Variants in AHCTF1 observed in about 807,000 individuals in gnomAD.
AHCTF1 encodes protein ELYS.
In AHCTF1, 24 loss-of-function variants were observed where a neutral mutation model predicts 248.4. That is an observed-to-expected ratio of 0.10 (90% CI 0.07 to 0.14). AHCTF1 has a LOEUF of 0.14. Among genes scored for constraint, AHCTF1 ranks in the 10% least tolerant of loss-of-function variants. AHCTF1 has a pLI of 1.00. For missense variants in AHCTF1, 2,206 were observed against 2,636.2 expected (o/e 0.84, Z 3.57); for synonymous variants, 786 against 929.8 (o/e 0.85, Z 2.81).
chr1:246,911,479 CTTTTTTTTTTT>C (rs35320501), intron 4 of AHCTF1, among the ~76,000 whole-genome samples: 1 of 99,490 alleles, frequency 1.0e-5, no homozygotes, highest in Non-Finnish European at 1.9e-5. Context: ...TATGAAGATT[CTTTTTTTTTTT>C]TTTTTTTTTT....
intron 15 of AHCTF1, 135 bp from the exon 16 acceptor site, chr1:246,891,195 A>C (rs1186874539): frequency 1.9e-6 from 1 of 531,942 alleles, no homozygotes. Context: ...TTCAAGATAT[A>C]TGTATCTCTC....
Position 246,850,340 on chromosome 1 carries a change from T to C in AHCTF1, c.5666A>G (p.Asn1889Ser). The part of the protein sequence containing the change: ...VENQESVEII[N>S]DLKVSTVTSP... ...TGTTACCGTACTAACTTTTAGATCA[T>C]TTATAATTTCAACACTTTCCTGATT... The change falls in exon 33 of 36, where the codon AAT (asparagine) becomes AGT (serine). Residue 1889 changes from asparagine (N) to serine (S), a missense_variant. Transcript: ENST00000648844. 1.2e-6 allele frequency: 2 copies of C among 1,613,488 alleles called. No homozygotes were observed. The highest frequency in any genetic ancestry group is 2.2e-5 in the East Asian group (1 of 44,876).
At chr1:246,851,475 G>T (rs878908444) in intron 32 of AHCTF1, 33 bp from the exon 33 acceptor site, 5 of 1,546,310 alleles carry the variant, frequency 3.2e-6, no homozygotes, top group African/African-American at 2.8e-5. Context: ...ACTGGTTAAA[G>T]AATTTTAATA....
intron 24 of AHCTF1, among the ~76,000 whole-genome samples, chr1:246,869,732 C>A (rs1662431076): frequency 6.6e-6 from 1 of 151,864 alleles, no homozygotes; most frequent in African/African-American, 2.4e-5. Context: ...AAAGTCTTTT[C>A]AAATATTACT....
rs553755798 is a variant in AHCTF1 at position 246,890,289 on chromosome 1, G to A, written c.2051-230C>T. On this transcript the variant is annotated intron_variant, in intron 16 of 35. Transcript: ENST00000648844. Reference sequence around the variant, plus strand: ...TACATGGATGGGGGCTTAAAATCCTGGAAACTGTTCTAAATAACTTTACTC... The same window carrying A: ...TACATGGATGGGGGCTTAAAATCCTAGAAACTGTTCTAAATAACTTTACTC... Among the ~76,000 whole-genome samples the A allele has an allele frequency of 9.9e-5, 15 of 152,172 alleles. No homozygotes were observed. In the East Asian group the frequency reaches 2.9e-3, roughly 29 times the overall value.
chr1:246,907,049 T>A (rs1665442452), intron 5 of AHCTF1, among the ~76,000 whole-genome samples: 1 of 152,218 alleles, frequency 6.6e-6, no homozygotes, highest in African/African-American at 2.4e-5. Flanking sequence ...TACAGTCTAG[T>A]AACACAAACC....
At chr1:246,917,484 T>G (rs1666228012) in intron 2 of AHCTF1, among the ~76,000 whole-genome samples, 1 of 152,208 alleles carries the variant, frequency 6.6e-6, no homozygotes, top group Admixed American at 6.5e-5. Context: ...TTCTGCCACT[T>G]ACCTGTATAA....
rs1666123610 is a variant in AHCTF1, at chr1:246,916,076, A to G, written c.375+66T>C. The G allele has an allele frequency of 4.6e-6, 7 of 1,527,220 alleles. No individual in the cohort carries two copies. The South Asian group carries it at 9.1e-5, about 20-fold the overall frequency. The allele number at this position is 1,527,220 out of a possible 1,614,324, so 94.6% of individuals were successfully genotyped here. A position where few individuals can be genotyped will look rare whatever the true frequency, so the allele number is the denominator to read the frequency against. ...TCAGTGAAATTTCAAAAAGTAACAC[A>G]CCTATATAACCAGCAGGGGTTCAGT... is the stretch of plus-strand genomic sequence containing the variant. On this transcript the variant is annotated intron_variant, in intron 3 of 35. Coordinates refer to ENST00000648844, the MANE Select transcript of AHCTF1 (RefSeq NM_001323342.2).
chr1:246,883,427 C>T (rs1663600494), intron 21 of AHCTF1, among the ~76,000 whole-genome samples: 1 of 152,164 alleles, frequency 6.6e-6, no homozygotes, highest in Non-Finnish European at 1.5e-5. Flanking sequence ...GAATAAGTCC[C>T]TGTAAATCAG....
chr1:246,889,711 A>T (rs1664085936), intron 17 of AHCTF1, among the ~76,000 whole-genome samples: 1 of 152,198 alleles, frequency 6.6e-6, no homozygotes, highest in Non-Finnish European at 1.5e-5. Context: ...CTCGAGGAAG[A>T]CGACTATTTC....
intron 30 of AHCTF1, among the ~76,000 whole-genome samples, chr1:246,857,485 G>A (rs1661188352): frequency 6.6e-6 from 1 of 152,116 alleles, no homozygotes; most frequent in African/African-American, 2.4e-5. Context: ...AATTTACCGT[G>A]TCTCTGTATA....
At chr1:246,857,155 T>C (rs1661166952) in intron 30 of AHCTF1, among the ~76,000 whole-genome samples, 1 of 152,214 alleles carries the variant, frequency 6.6e-6, no homozygotes, top group Non-Finnish European at 1.5e-5. Context: ...GCTGTTTATC[T>C]TGTTGCAGAA....
At chr1:246,901,898 A>G (rs1665028207) in intron 8 of AHCTF1, among the ~76,000 whole-genome samples, 1 of 152,246 alleles carries the variant, frequency 6.6e-6, no homozygotes, top group African/African-American at 2.4e-5. Flanking sequence ...TCACATATTT[A>G]ACTGGATCTG....
chr1:246,869,050 T>C (rs550727418), intron 24 of AHCTF1, among the ~76,000 whole-genome samples: 2 of 151,752 alleles, frequency 1.3e-5, no homozygotes, highest in Non-Finnish European at 2.9e-5. Context: ...TTCACCATGT[T>C]GGCCAGGATG....
intron 24 of AHCTF1, among the ~76,000 whole-genome samples, chr1:246,871,959 C>G (rs901763788): frequency 1.3e-5 from 2 of 150,422 alleles, no homozygotes; most frequent in African/African-American, 2.4e-5. Flanking sequence ...TCCTACTCCA[C>G]AAGTCCCAGC....
At chr1:246,845,365 T>TA (rs146736366) in intron 33 of AHCTF1, among the ~76,000 whole-genome samples, 27,770 of 151,220 alleles carry the variant, frequency 0.18, 4,250 homozygotes, top group African/African-American at 0.42. Context: ...ATATGATTCT[T>TA]AAAAAAAAGA....
intron 33 of AHCTF1, among the ~76,000 whole-genome samples, chr1:246,848,177 A>G (rs1447150475): frequency 6.6e-6 from 1 of 152,120 alleles, no homozygotes; most frequent in African/African-American, 2.4e-5. Flanking sequence ...TGTTATGGGG[A>G]GAGTCATTCT....
At chr1:246,884,405 G>C (rs1450050681) in intron 21 of AHCTF1, among the ~76,000 whole-genome samples, 1 of 152,148 alleles carries the variant, frequency 6.6e-6, no homozygotes, top group Non-Finnish European at 1.5e-5. Context: ...AGAGAACCAA[G>C]AAAATGTAAC....
intron 30 of AHCTF1, among the ~76,000 whole-genome samples, chr1:246,856,049 C>G (rs1341826215): frequency 1.3e-5 from 2 of 152,138 alleles, no homozygotes; most frequent in African/African-American, 2.4e-5. Flanking sequence ...ACTCTTTTGG[C>G]AACAATGGCA....
Sources: allele counts gnomAD v4.1 joint callset (sites outside exome capture counted in the v4.1 genomes callset), GRCh38; gene constraint gnomAD v4.1.1; transcripts MANE v1.5; gene names NCBI Gene and HGNC (gene_info 2026-07-23, HGNC 2026-07-21).